Variants in MYO18B observed in about 807,000 individuals in gnomAD.
MYO18B encodes myosin XVIIIB.
A neutral mutation model predicts 273.0 loss-of-function variants in MYO18B; 204 were observed. That is an observed-to-expected ratio of 0.75 (90% CI 0.67 to 0.84). The LOEUF (loss-of-function observed/expected upper bound fraction) is 0.84. Among genes scored for constraint, MYO18B ranks in the 40% least tolerant of loss-of-function variants. MYO18B has a pLI of 0.00. For missense variants in MYO18B, 3,212 were observed against 3,287.6 expected, an observed-to-expected ratio of 0.98 and a Z score of 0.56; for synonymous variants, 1,330 against 1,305.7, an observed-to-expected ratio of 1.02 and a Z score of -0.40.
rs1479138496 is a variant in MYO18B, at chr22:26,030,740, G to T, written c.*310G>T. ...TGTTAGAATAGAACCAACCCAAACT[G>T]TGTGTAGTTTGGGGTGTATACTTCT... is the stretch of plus-strand genomic sequence containing the variant. On this transcript the variant is annotated 3_prime_UTR_variant, in exon 44 of 44. Coordinates refer to ENST00000335473, the MANE Select transcript of MYO18B (RefSeq NM_032608.7). The T allele has an allele frequency of 2.5e-6, 1 of 392,610 alleles. No individual in the cohort carries two copies. The highest frequency in any genetic ancestry group is 4.5e-6 in the Non-Finnish European group (1 of 222,836). 24.3% of individuals were successfully genotyped at this position (392,610 alleles called of 1,614,324 possible). A position where few individuals can be genotyped will look rare whatever the true frequency, so the allele number is the denominator to read the frequency against.
intron 42 of MYO18B, among the ~76,000 whole-genome samples, chr22:26,023,739 AG>A: frequency 6.6e-6 from 1 of 152,198 alleles, no homozygotes. Flanking sequence ...TTTCAGGGCC[AG>A]GACAGGATGG....
At chr22:26,005,196 G>T (rs755030683) in intron 42 of MYO18B, among the ~76,000 whole-genome samples, 17 of 152,210 alleles carry the variant, frequency 1.1e-4, no homozygotes, top group Non-Finnish European at 1.9e-4. Context: ...AGTAATAGTT[G>T]TTATAGTTGC....
At chr22:25,917,744 C>A (rs1569188176) in intron 33 of MYO18B, among the ~76,000 whole-genome samples, 2 of 152,078 alleles carry the variant, frequency 1.3e-5, no homozygotes, top group Non-Finnish European at 2.9e-5. Context: ...TTACATTGCT[C>A]TCCCTCTATT....
At chr22:25,998,013 G>T (rs1305058741) in intron 40 of MYO18B, among the ~76,000 whole-genome samples, 2 of 150,230 alleles carry the variant, frequency 1.3e-5, no homozygotes. Flanking sequence ...TGCTTCAGCT[G>T]CAGGTGAGGT....
intron 11 of MYO18B, among the ~76,000 whole-genome samples, chr22:25,797,179 G>A (rs1329357399): frequency 1.3e-5 from 2 of 152,182 alleles, no homozygotes; most frequent in Admixed American, 1.3e-4. Context: ...AGTGAGCTGA[G>A]ATTGTGCCGT....
At chr22:26,021,112 A>G (rs1311919713) in intron 42 of MYO18B, among the ~76,000 whole-genome samples, 1 of 152,156 alleles carries the variant, frequency 6.6e-6, no homozygotes, top group Non-Finnish European at 1.5e-5. Context: ...AAGAAAAAAT[A>G]CCTGGCTTGG....
intron 41 of MYO18B, 74 bp downstream of exon 41, chr22:26,003,383 G>C (rs1001115798): frequency 1.4e-5 from 18 of 1,321,452 alleles, no homozygotes; most frequent in Non-Finnish European, 1.3e-5. Context: ...GTTTGCAGAG[G>C]GAACATCCAT....
At chr22:25,998,071 T>C in intron 40 of MYO18B, among the ~76,000 whole-genome samples, 1 of 151,726 alleles carries the variant, frequency 6.6e-6, no homozygotes, top group East Asian at 1.9e-4. Context: ...TTCCCCATGT[T>C]GGGAATTAGA....
Position 25,876,282 on chromosome 22 carries a change from C to T in MYO18B, c.4174C>T (p.Gln1392Ter), listed in dbSNP as rs757071771. 1.2e-6 allele frequency: 2 copies of T among 1,613,518 alleles called. No individual in the cohort carries two copies. The highest frequency in any genetic ancestry group is 1.7e-6 in the Non-Finnish European group (2 of 1,179,708). ...ATGGTGGCAGCTGCTTGGTTCCCTCCAGCCTCTACTTAGTGCCACCATTGG... is the reference window on the plus strand; with the variant it reads ...ATGGTGGCAGCTGCTTGGTTCCCTCTAGCCTCTACTTAGTGCCACCATTGG... ...WPWWQLLGSLQPLLSATIGTE... is the reference protein window; with the variant it reads ...WPWWQLLGSL The change falls in exon 24 of 44, where the codon CAG becomes TAG. Residue 1392 changes from glutamine to a stop codon, truncating the protein, a stop_gained. Transcript: ENST00000335473. LOFTEE classifies it high-confidence loss of function.
chr22:25,899,851 G>A (rs143455985), intron 29 of MYO18B: 1,847 of 106,784 alleles, frequency 0.017, 16 homozygotes, highest in Admixed American at 0.027. Context: ...CAGGTCATCT[G>A]ATCTGGAAGA....
At chr22:25,992,931 G>A (rs5752251) in intron 40 of MYO18B, among the ~76,000 whole-genome samples, 57,817 of 152,084 alleles carry the variant, frequency 0.38, 11,330 homozygotes, top group African/African-American at 0.42. Context: ...GTTGTTGAGA[G>A]TTAATTGAGT....
intron 39 of MYO18B, among the ~76,000 whole-genome samples, chr22:25,977,021 C>T (rs764988512): frequency 3.9e-5 from 6 of 152,108 alleles, no homozygotes; most frequent in African/African-American, 1.4e-4. Flanking sequence ...TTGGGCTGCA[C>T]GATGCTCTGT....
chr22:25,851,104 A>G (rs912086822), intron 20 of MYO18B, among the ~76,000 whole-genome samples: 1 of 152,188 alleles, frequency 6.6e-6, no homozygotes, highest in African/African-American at 2.4e-5. Context: ...CCTCTGGGCT[A>G]ACGTTGGGAA....
At chr22:25,755,416 G>A (rs956133862) in intron 1 of MYO18B, among the ~76,000 whole-genome samples, 3 of 152,302 alleles carry the variant, frequency 2.0e-5, no homozygotes, top group African/African-American at 7.2e-5. Flanking sequence ...ATGTTGGTCA[G>A]TCTGGTCTTG....
At chr22:25,989,260 G>A (rs1569268738) in intron 39 of MYO18B, among the ~76,000 whole-genome samples, 2 of 152,152 alleles carry the variant, frequency 1.3e-5, no homozygotes, top group Admixed American at 6.5e-5. Context: ...GTGGTCTCCC[G>A]GCGGCGTGAC....
At chr22:25,952,455 C>T (rs1482273908) in intron 38 of MYO18B, 32 bp downstream of exon 38, 6 of 1,610,686 alleles carry the variant, frequency 3.7e-6, no homozygotes, top group Non-Finnish European at 5.1e-6. Context: ...GTGCCTGGGC[C>T]AAGAGCAGGG....
intron 35 of MYO18B, among the ~76,000 whole-genome samples, chr22:25,947,475 T>C (rs530741864): frequency 1.5e-5 from 2 of 129,034 alleles, no homozygotes; most frequent in Admixed American, 8.5e-5. Flanking sequence ...CATAGTCACA[T>C]GTAATGCCTA....
At chr22:25,784,188 G>A (rs189767181) in intron 10 of MYO18B, among the ~76,000 whole-genome samples, 1 of 152,272 alleles carries the variant, frequency 6.6e-6, no homozygotes, top group East Asian at 1.9e-4. Context: ...CAGATGGACT[G>A]GGAGATCTTT....
At chr22:26,031,350 C>G (rs1315382051), downstream of MYO18B, among the ~76,000 whole-genome samples, 1 of 152,142 alleles carries the variant, frequency 6.6e-6, no homozygotes, top group Non-Finnish European at 1.5e-5. Flanking sequence ...AGTACCATAG[C>G]TGGAGGGTTG....
Sources: allele counts gnomAD v4.1 joint callset (sites outside exome capture counted in the v4.1 genomes callset), GRCh38; gene constraint gnomAD v4.1.1; transcripts MANE v1.5; gene names NCBI Gene and HGNC (gene_info 2026-07-23, HGNC 2026-07-21).